Variants in DPF3 observed in about 807,000 individuals in gnomAD.
The protein encoded by DPF3 is double PHD fingers 3.
DPF3 carries 18 observed loss-of-function variants against 56.8 expected under a neutral mutation model. The observed-to-expected ratio is 0.32, with a 90% confidence interval of 0.22 to 0.47. The LOEUF (loss-of-function observed/expected upper bound fraction) is 0.47. DPF3 is among the 20% of genes least tolerant of loss of function. The pLI is 1.00. For synonymous variants in DPF3, 188 were observed against 180.2 expected, an observed-to-expected ratio of 1.04 and a Z score of -0.35; for missense variants, 403 against 488.8, an observed-to-expected ratio of 0.82 and a Z score of 1.65.
At chr14:72,756,860 GAAA>G (rs1567222907) in intron 2 of DPF3, among the ~76,000 whole-genome samples, 1,105 of 106,818 alleles carry the variant, frequency 0.01, 17 homozygotes, top group East Asian at 0.013. Context: ...AAGAAAGAAA[GAAA>G]GAAAGAAAGG....
intron 2 of DPF3, among the ~76,000 whole-genome samples, chr14:72,767,216 T>A (rs570388476): frequency 6.6e-6 from 1 of 152,284 alleles, no homozygotes; most frequent in South Asian, 2.1e-4. Context: ...TTAAATAATA[T>A]CTAGCGTCTC....
rs1012961113 is a variant in DPF3, at chr14:72,864,397, C to T, written c.32+29660G>A. ...TTACACTTGTGTTTTTGGTCAGTGT[C>T]GGCCTCCTCCACTGGACTGCGGGCT... On this transcript the variant is annotated intron_variant, in intron 1 of 10. Transcript: ENST00000556509. Among the ~76,000 whole-genome samples the T allele has an allele frequency of 1.2e-4, 19 of 152,194 alleles. 1 individual carries two copies. The highest frequency in any genetic ancestry group is 1.1e-3 in the Admixed American group (17 of 15,284).
chr14:72,629,412 T>C (rs1331169058), intron 9 of DPF3, among the ~76,000 whole-genome samples: 3 of 152,254 alleles, frequency 2.0e-5, no homozygotes, highest in Non-Finnish European at 2.9e-5. Context: ...TACTGTGGAA[T>C]GTGGTGGAAA....
At chr14:72,725,392 G>A (rs73300196) in intron 4 of DPF3, among the ~76,000 whole-genome samples, 1,658 of 152,156 alleles carry the variant, frequency 0.011, 27 homozygotes, top group African/African-American at 0.038. Flanking sequence ...GTTGAGATGT[G>A]GAGGATGAGC....
chr14:72,887,899 G>A (rs993338209), intron 1 of DPF3, among the ~76,000 whole-genome samples: 2 of 152,144 alleles, frequency 1.3e-5, no homozygotes, highest in South Asian at 4.2e-4. Flanking sequence ...TGTGAGGATG[G>A]GAAAAACTTT....
At chr14:72,690,678 G>GC (rs1887642930) in intron 7 of DPF3, among the ~76,000 whole-genome samples, 1 of 151,922 alleles carries the variant, frequency 6.6e-6, no homozygotes, top group Non-Finnish European at 1.5e-5. Flanking sequence ...TCATAATGAG[G>GC]CTACAGGAGA....
chr14:72,658,654 C>A (rs1466413547), intron 8 of DPF3, among the ~76,000 whole-genome samples: 4 of 152,146 alleles, frequency 2.6e-5, no homozygotes, highest in South Asian at 4.2e-4. Flanking sequence ...CTTGAATCAT[C>A]CCTAACATGT....
chr14:72,708,513 C>T (rs947397435), intron 6 of DPF3, among the ~76,000 whole-genome samples: 8 of 152,178 alleles, frequency 5.3e-5, no homozygotes, highest in African/African-American at 1.9e-4. Flanking sequence ...GCCTGAAGGC[C>T]GCGTTATTGG....
intron 8 of DPF3, among the ~76,000 whole-genome samples, chr14:72,667,806 T>C (rs1189982924): frequency 2.0e-5 from 3 of 152,232 alleles, no homozygotes; most frequent in Non-Finnish European, 4.4e-5. Flanking sequence ...AAAACCCTTT[T>C]CTTCAGTTGG....
At chr14:72,845,541 G>A (rs1039357856) in intron 1 of DPF3, among the ~76,000 whole-genome samples, 2 of 152,166 alleles carry the variant, frequency 1.3e-5, no homozygotes, top group African/African-American at 4.8e-5. Flanking sequence ...CTTCTAATGT[G>A]TGCTGCCTTC....
chr14:72,831,708 A>G (rs575922698), intron 1 of DPF3, among the ~76,000 whole-genome samples: 1 of 152,370 alleles, frequency 6.6e-6, no homozygotes, highest in African/African-American at 2.4e-5. Flanking sequence ...GCTTGAAAAC[A>G]TACCAAGAAG....
In DPF3 at chr14:72,812,055, A is replaced by G. The variant is rs115508893; in HGVS notation, c.33-40162T>C. ...AAGCCCCTGCACTGAGGTCTCTTGT[A>G]TCTAAGATCTGCCCCAAGTGAGCTC... On this transcript the variant is annotated intron_variant, in intron 1 of 10. Transcript: ENST00000556509. Among the ~76,000 whole-genome samples the G allele has an allele frequency of 1.0e-3, 157 of 152,184 alleles. 1 individual carries two copies. Among genetic ancestry groups the G allele is most frequent in the African/African-American group, 3.4e-3 (143 of 41,528 alleles).
At chr14:72,865,537 G>A (rs1309754512) in intron 1 of DPF3, among the ~76,000 whole-genome samples, 1 of 152,182 alleles carries the variant, frequency 6.6e-6, no homozygotes, top group Non-Finnish European at 1.5e-5. Flanking sequence ...GCTGAGAGCA[G>A]AGAGATGGAA....
chr14:72,788,460 G>A (rs776649194), intron 1 of DPF3, among the ~76,000 whole-genome samples: 22 of 152,152 alleles, frequency 1.4e-4, no homozygotes, highest in Admixed American at 7.2e-4. Context: ...CACTGTGGGT[G>A]GAGGGAGAGC....
intron 2 of DPF3, among the ~76,000 whole-genome samples, chr14:72,754,614 A>T (rs1890715334): frequency 6.6e-6 from 1 of 152,238 alleles, no homozygotes. Context: ...CCATGGATTC[A>T]GAAAACATCA....
intron 1 of DPF3, among the ~76,000 whole-genome samples, chr14:72,837,164 C>T (rs1481377455): frequency 6.6e-6 from 1 of 152,066 alleles, no homozygotes; most frequent in Non-Finnish European, 1.5e-5. Flanking sequence ...AACCACCACA[C>T]CTGGCCAGAA....
chr14:72,659,773 T>G (rs1243785703), intron 8 of DPF3, among the ~76,000 whole-genome samples: 3 of 152,226 alleles, frequency 2.0e-5, no homozygotes, highest in African/African-American at 7.2e-5. Flanking sequence ...GTGGGTGATG[T>G]GTAATAAATA....
rs559037054 is a variant in DPF3 at position 72,613,462 on chromosome 14, C to T, written c.*5835G>A. ...AATGTCGCCATCAGCAAAATACTCC[C>T]TTCTCCTGGTGGAGCCAAAGAAGGG... On this transcript the variant is annotated 3_prime_UTR_variant, in exon 11 of 11. Transcript: ENST00000556509. Among the ~76,000 whole-genome samples the T allele has an allele frequency of 6.6e-6, 1 of 152,352 alleles. No individual in the cohort carries two copies. The highest frequency in any genetic ancestry group is 2.4e-5 in the African/African-American group (1 of 41,586).
intron 4 of DPF3, chr14:72,731,533 C>T (rs1477954992): frequency 1.2e-5 from 5 of 416,248 alleles, no homozygotes; most frequent in African/African-American, 8.1e-5. Context: ...GGACCCTGCA[C>T]AGTCCCTGTG....
Sources: allele counts gnomAD v4.1 joint callset (sites outside exome capture counted in the v4.1 genomes callset), GRCh38; gene constraint gnomAD v4.1.1; transcripts MANE v1.5; gene names NCBI Gene and HGNC (gene_info 2026-07-23, HGNC 2026-07-21).